The following HIPK2 variants were observed in gnomAD, a reference collection of about 807,000 sequenced individuals.
The protein encoded by HIPK2 is homeodomain-interacting protein kinase 2.
HIPK2 carries 27 observed loss-of-function variants against 113.7 expected under a neutral mutation model. The ratio of observed to expected loss-of-function variants is 0.24; its 90% CI spans 0.17 to 0.33. The LOEUF (loss-of-function observed/expected upper bound fraction) is 0.33. HIPK2 is among the 10% of genes least tolerant of loss of function. HIPK2 has a pLI of 1.00. For synonymous variants in HIPK2, 631 were observed against 642.2 expected, an observed-to-expected ratio of 0.98 and a Z score of 0.26; for missense variants, 1,257 against 1,588.0, an observed-to-expected ratio of 0.79 and a Z score of 3.54.
Position 139,572,921 on chromosome 7 carries a change from CAG to C in HIPK2, c.*4_*5del. 1 of 1,414,784 alleles carries C rather than the reference CAG, an allele frequency of 7.1e-7. No individual in the cohort carries two copies. The highest frequency in any genetic ancestry group is 9.6e-7 in the Non-Finnish European group (1 of 1,041,976). The allele number at this position is 1,414,784 out of a possible 1,614,324, so 87.6% of individuals were successfully genotyped here. ...CCTCCCTCCCTCCCTCCCTCCCCTC[CAG>C]TGTTTATATGTAAGGGTACTGGTTG... On this transcript the variant is annotated 3_prime_UTR_variant, in exon 15 of 15. Transcript: ENST00000406875.
Position 139,572,894 on chromosome 7 carries a change from T to TGCCAAC in HIPK2, c.*32_*33insGTTGGC. 1.8e-6 allele frequency: 1 copy of TGCCAAC among 554,278 alleles called. No individual in the cohort carries two copies. The highest frequency in any genetic ancestry group is 3.3e-6 in the Non-Finnish European group (1 of 302,510). 34.3% of individuals were successfully genotyped at this position (554,278 alleles called of 1,614,324 possible). Reference sequence around the variant, plus strand: ...CTCCCTCCTCCCTCGGGCCATTCTCTCCCTCCCTCCCTCCCTCCCTCCCCT... The same window carrying TGCCAAC: ...CTCCCTCCTCCCTCGGGCCATTCTCTGCCAACCCCTCCCTCCCTCCCTCCCTCCCCT... On this transcript the variant is annotated 3_prime_UTR_variant, in exon 15 of 15. Coordinates refer to ENST00000406875, the MANE Select transcript of HIPK2 (RefSeq NM_022740.5).
At chr7:139,745,293 G>A (rs187088488) in intron 1 of HIPK2, among the ~76,000 whole-genome samples, 6 of 152,248 alleles carry the variant, frequency 3.9e-5, no homozygotes, top group Non-Finnish European at 5.9e-5. Flanking sequence ...ACCAGGGTGC[G>A]ACTGTTCCAA....
At chr7:139,647,915 G>A (rs1801301212) in intron 2 of HIPK2, among the ~76,000 whole-genome samples, 1 of 152,244 alleles carries the variant, frequency 6.6e-6, no homozygotes. Flanking sequence ...TCTCTGTAGT[G>A]TCAGCTGTGT....
chr7:139,678,869 T>C (rs1802601211), intron 2 of HIPK2, among the ~76,000 whole-genome samples: 1 of 152,198 alleles, frequency 6.6e-6, no homozygotes, highest in Non-Finnish European at 1.5e-5. Context: ...CTTGAAGAGG[T>C]CCTTCACATC....
intron 2 of HIPK2, among the ~76,000 whole-genome samples, chr7:139,685,929 G>A (rs1365548087): frequency 3.3e-5 from 5 of 152,158 alleles, no homozygotes; most frequent in African/African-American, 7.2e-5. Context: ...TAGATCAAGG[G>A]GTAATTTTGT....
At chr7:139,585,572 G>T (rs1203259272) in intron 12 of HIPK2, among the ~76,000 whole-genome samples, 1 of 152,176 alleles carries the variant, frequency 6.6e-6, no homozygotes, top group East Asian at 1.9e-4. Flanking sequence ...CAGGGCGGTG[G>T]GCAGCTATTT....
intron 2 of HIPK2, among the ~76,000 whole-genome samples, chr7:139,670,669 G>A (rs1398123217): frequency 1.3e-5 from 2 of 151,678 alleles, no homozygotes; most frequent in Non-Finnish European, 2.9e-5. Context: ...TATTAAAAAG[G>A]GAGGTGTGTA....
At chr7:139,660,608 C>T (rs1801835321) in intron 2 of HIPK2, among the ~76,000 whole-genome samples, 2 of 152,128 alleles carry the variant, frequency 1.3e-5, no homozygotes, top group Admixed American at 1.3e-4. Flanking sequence ...GTGGGTTGGA[C>T]CTTACTCCTA....
chr7:139,594,909 G>A (rs1799147290), intron 12 of HIPK2, among the ~76,000 whole-genome samples: 2 of 152,084 alleles, frequency 1.3e-5, no homozygotes. Context: ...GTCCTCATCT[G>A]CTGCCCAGCC....
Position 139,704,421 on chromosome 7 carries a change from C to A in HIPK2, c.1103+11511G>T, listed in dbSNP as rs1348586509. 2.0e-5 allele frequency among the ~76,000 whole-genome samples: 3 copies of A among 149,272 alleles called. No homozygotes were observed. The East Asian group carries it at 5.9e-4, about 29-fold the overall frequency. On this transcript the variant is annotated intron_variant, in intron 2 of 14. Coordinates refer to ENST00000406875, the MANE Select transcript of HIPK2 (RefSeq NM_022740.5). The stretch of plus-strand genomic sequence containing the variant: ...ACCCAACACATGCACCCCCTCCACA[C>A]CCACACTATACCCAACATACACACC...
intron 2 of HIPK2, among the ~76,000 whole-genome samples, chr7:139,649,457 T>TC (rs1801376572): frequency 6.6e-6 from 1 of 152,160 alleles, no homozygotes; most frequent in Non-Finnish European, 1.5e-5. Flanking sequence ...CACCTTTTCT[T>TC]CCCCTTCACG....
At position 139,714,793 on chromosome 7, in the gene HIPK2, C is replaced by G. The variant is rs1795171743; in HGVS notation, c.1103+1139G>C. On this transcript the variant is annotated intron_variant, in intron 2 of 14. Transcript: ENST00000406875. This position sits in a 1 kb window ranked among gnomAD's most constrained non-coding sequence, Gnocchi z 4.2. Reference sequence around the variant, plus strand: ...ACTGTTCGGCACCACCCCAAACACACCCCCAGGCTGGTTCCACAGAGCAGG... The same window carrying G: ...ACTGTTCGGCACCACCCCAAACACAGCCCCAGGCTGGTTCCACAGAGCAGG... Among the ~76,000 whole-genome samples the G allele has an allele frequency of 6.6e-6, 1 of 152,196 alleles. No individual in the cohort carries two copies. The highest frequency in any genetic ancestry group is 1.5e-5 in the Non-Finnish European group (1 of 68,016).
intron 1 of HIPK2, among the ~76,000 whole-genome samples, chr7:139,755,087 G>T (rs543582605): frequency 6.6e-6 from 1 of 152,290 alleles, no homozygotes; most frequent in East Asian, 1.9e-4. Flanking sequence ...ACTCAGCCAG[G>T]GCTCATCTTC....
chr7:139,689,878 C>T (rs1437656769), intron 2 of HIPK2, among the ~76,000 whole-genome samples: 1 of 152,108 alleles, frequency 6.6e-6, no homozygotes, highest in East Asian at 1.9e-4. Context: ...GGCAGAGCTT[C>T]CCTGACAGGA....
Position 139,716,557 on chromosome 7 carries a change from C to T in HIPK2, c.478G>A (p.Gly160Arg), listed in dbSNP as rs767156658. ...HPPMIQNNAS[G>R]ATVATATTST... ...GTGGTGGCAGTGGCGACAGTGGCCCCGCTTGCATTATTCTGAATCATGGGT... is the reference window on the plus strand; with the variant it reads ...GTGGTGGCAGTGGCGACAGTGGCCCTGCTTGCATTATTCTGAATCATGGGT... Residue 160 changes from glycine (G) to arginine (R), a missense_variant, in exon 2 of 15, where the codon GGG (glycine) becomes AGG (arginine). By Grantham distance (125) the Gly-to-Arg change is moderately radical. Transcript: ENST00000406875. This position sits in a 1 kb window ranked among gnomAD's most constrained non-coding sequence, Gnocchi z 9.3. 2.8e-4 allele frequency: 448 copies of T among 1,613,974 alleles called. No homozygotes were observed. The highest frequency in any genetic ancestry group is 4.9e-4 in the Middle Eastern group (3 of 6,062).
At chr7:139,573,545 T>TA in intron 14 of HIPK2, 148 bp from the exon 15 acceptor site, 1 of 767,166 alleles carries the variant, frequency 1.3e-6, no homozygotes, top group East Asian at 2.7e-5. Flanking sequence ...GTTGAGAAAG[T>TA]AAAAATTTAC....
rs563060010 is a variant in HIPK2, at chr7:139,627,335, T to TATGC, written c.1435-554_1435-551dup. On this transcript the variant is annotated intron_variant, in intron 5 of 14. Coordinates refer to ENST00000406875, the MANE Select transcript of HIPK2 (RefSeq NM_022740.5). ...GTATGTATGTATGTATGTATGTATG[T>TATGC]ATGCATGTATTTAACCTTTAGAGGG... 1.8e-3 allele frequency among the ~76,000 whole-genome samples: 274 copies of TATGC among 151,366 alleles called. 3 individuals are homozygous for TATGC. The South Asian group carries it at 0.034, about 19-fold the overall frequency.
chr7:139,755,627 C>G (rs372354390), intron 1 of HIPK2, among the ~76,000 whole-genome samples: 8 of 152,370 alleles, frequency 5.3e-5, no homozygotes, highest in African/African-American at 1.9e-4. Flanking sequence ...AACTACCAGC[C>G]TCTCTGAGAA....
chr7:139,583,738 A>G (rs781117081), intron 13 of HIPK2, 79 bp downstream of exon 13: 306 of 1,551,850 alleles, frequency 2.0e-4, no homozygotes, highest in Non-Finnish European at 2.6e-4. Context: ...GCTCCCATAC[A>G]GCAACATTTC....
Sources: gnomAD v4.1 joint callset for allele counts (sites outside exome capture counted in the v4.1 genomes callset) on GRCh38, gnomAD v4.1.1 for gene constraint, Gnocchi (gnomAD v3.1) non-coding constraint, MANE v1.5 for transcripts, NCBI Gene and HGNC (gene_info 2026-07-23, HGNC 2026-07-21) for gene names.